The following ABTB2 variants were observed in gnomAD, a reference collection of about 807,000 sequenced individuals.
ABTB2 encodes the protein ankyrin repeat and BTB/POZ domain-containing protein 2.
Under a neutral mutation model 104.1 loss-of-function variants are expected in ABTB2, and 56 were observed. The ratio of observed to expected loss-of-function variants is 0.54; its 90% CI spans 0.43 to 0.67. The LOEUF (loss-of-function observed/expected upper bound fraction) is 0.67, where lower values mean the gene tolerates loss of function less well. ABTB2 is among the 30% of genes least tolerant of loss of function. ABTB2 has a pLI of 0.00. For synonymous variants in ABTB2, 606 were observed against 608.2 expected (o/e 1.00, Z 0.05); for missense variants, 1,279 against 1,407.7 (o/e 0.91, Z 1.46).
At chr11:34,287,374 C>A (rs1854517796) in intron 1 of ABTB2, among the ~76,000 whole-genome samples, 1 of 152,098 alleles carries the variant, frequency 6.6e-6, no homozygotes. Flanking sequence ...GCCCGGCCAA[C>A]ATGGCAAAAC....
At chr11:34,223,054 T>C (rs1442434402) in intron 1 of ABTB2, among the ~76,000 whole-genome samples, 1 of 152,310 alleles carries the variant, frequency 6.6e-6, no homozygotes, top group Non-Finnish European at 1.5e-5. Context: ...CCTCGCTGTT[T>C]GTTTTACAAA....
chr11:34,344,254 A>G (rs1179048047), intron 1 of ABTB2, among the ~76,000 whole-genome samples: 2 of 152,232 alleles, frequency 1.3e-5, no homozygotes, highest in African/African-American at 4.8e-5. Context: ...GACAGGAAAC[A>G]ACAGAGTTGA....
intron 1 of ABTB2, among the ~76,000 whole-genome samples, chr11:34,234,833 A>G (rs1308779867): frequency 1.3e-5 from 2 of 152,104 alleles, no homozygotes; most frequent in Admixed American, 6.6e-5. Context: ...GCACTTATAC[A>G]GAGATTATTG....
intron 1 of ABTB2, among the ~76,000 whole-genome samples, chr11:34,237,139 G>A (rs943604637): frequency 7.9e-5 from 12 of 152,038 alleles, no homozygotes; most frequent in Admixed American, 5.2e-4. Flanking sequence ...GTAAAATGGA[G>A]CCCACAGTAC....
intron 1 of ABTB2, among the ~76,000 whole-genome samples, chr11:34,319,204 A>G (rs530204320): frequency 1.8e-4 from 28 of 152,218 alleles, no homozygotes; most frequent in Non-Finnish European, 4.0e-4. Flanking sequence ...CTGACACACA[A>G]GAAGCCTTGG....
intron 1 of ABTB2, among the ~76,000 whole-genome samples, chr11:34,242,987 G>A (rs935436917): frequency 5.9e-5 from 9 of 152,146 alleles, no homozygotes; most frequent in Non-Finnish European, 8.8e-5. Context: ...GGTGTCTCTT[G>A]TGACAGGACC....
chr11:34,341,520 A>G (rs1855262300), intron 1 of ABTB2, among the ~76,000 whole-genome samples: 1 of 152,238 alleles, frequency 6.6e-6, no homozygotes, highest in Admixed American at 6.5e-5. Flanking sequence ...GAAATGTTCT[A>G]TATCTGCATT....
intron 1 of ABTB2, among the ~76,000 whole-genome samples, chr11:34,271,068 C>G (rs1361757266): frequency 6.6e-6 from 1 of 152,074 alleles, no homozygotes; most frequent in Non-Finnish European, 1.5e-5. Context: ...AGCCACATGA[C>G]CCTGGATAAA....
chr11:34,301,506 A>C (rs1854705612), intron 1 of ABTB2, among the ~76,000 whole-genome samples: 1 of 152,232 alleles, frequency 6.6e-6, no homozygotes, highest in Non-Finnish European at 1.5e-5. Context: ...AGATCCACCA[A>C]CAAAGCATGA....
Position 34,197,402 on chromosome 11 carries a change from G to A in ABTB2, c.1167C>T (p.Tyr389=), listed in dbSNP as rs1853271966. The A allele has an allele frequency of 6.2e-7, 1 of 1,612,600 alleles. No individual in the cohort carries two copies. The highest frequency in any genetic ancestry group is 8.5e-7 in the Non-Finnish European group (1 of 1,178,962). Residue 389 remains tyrosine (Y), a synonymous_variant, in exon 3 of 17, where the codon TAC becomes TAT. Coordinates refer to ENST00000435224, the MANE Select transcript of ABTB2 (RefSeq NM_145804.3). The stretch of plus-strand genomic sequence containing the variant: ...ACTCCATCTGTGGACACCGCAGAAA[G>A]TAGTAGAGCGTGTGGAGGGCGTCGG... ...WSPDALHTLY[Y]FLRCPQMESM...
intron 1 of ABTB2, among the ~76,000 whole-genome samples, chr11:34,278,724 G>T (rs556940129): frequency 6.6e-6 from 1 of 152,240 alleles, no homozygotes; most frequent in African/African-American, 2.4e-5. Context: ...TTCTTTCCAG[G>T]TCTCCAAAAT....
chr11:34,159,426 T>C, intron 13 of ABTB2, 40 bp from the exon 14 acceptor site: 1 of 1,374,338 alleles, frequency 7.3e-7, no homozygotes. Flanking sequence ...TTTTGAACCT[T>C]TTACTTCACC....
intron 1 of ABTB2, among the ~76,000 whole-genome samples, chr11:34,237,156 C>G (rs186868673): frequency 5.5e-4 from 83 of 152,090 alleles, no homozygotes; most frequent in Non-Finnish European, 1.1e-3. Flanking sequence ...GTACCCACCT[C>G]TATCAGGTTG....
At chr11:34,291,099 T>A (rs1018744462) in intron 1 of ABTB2, among the ~76,000 whole-genome samples, 1 of 152,238 alleles carries the variant, frequency 6.6e-6, no homozygotes, top group African/African-American at 2.4e-5. Flanking sequence ...GGAATGGGGT[T>A]TGTCATTATG....
In ABTB2 at chr11:34,204,359, A is replaced by G. The variant is rs527303969; in HGVS notation, c.1030+185T>C. On this transcript the variant is annotated intron_variant, in intron 2 of 16. Transcript: ENST00000435224. ...TTTGTTTTTTCAAGAGAAACCAGAAATCCAGATTTGTGTATTTGCAACCTC... is the reference window on the plus strand; with the variant it reads ...TTTGTTTTTTCAAGAGAAACCAGAAGTCCAGATTTGTGTATTTGCAACCTC... Among the ~76,000 whole-genome samples, 8 of 152,324 alleles carry G rather than the reference A, an allele frequency of 5.3e-5. No homozygotes were observed. The East Asian group carries it at 1.5e-3, about 29-fold the overall frequency.
chr11:34,181,007 C>G (rs1260592719), intron 3 of ABTB2, among the ~76,000 whole-genome samples: 1 of 152,312 alleles, frequency 6.6e-6, no homozygotes, highest in East Asian at 1.9e-4. Context: ...CTGGTGCAAG[C>G]GATTCTTCTG....
intron 1 of ABTB2, among the ~76,000 whole-genome samples, chr11:34,299,729 G>T (rs1388164306): frequency 6.6e-6 from 1 of 152,194 alleles, no homozygotes; most frequent in Non-Finnish European, 1.5e-5. Flanking sequence ...CAAGGCATTT[G>T]GAGTTTGCTC....
Position 34,160,479 on chromosome 11 carries a change from C to T in ABTB2, c.2398-126G>A, listed in dbSNP as rs921882829. 1.2e-5 allele frequency: 8 copies of T among 692,042 alleles called. No homozygotes were observed. In the East Asian group the frequency reaches 1.6e-4, roughly 14 times the overall value. 42.9% of individuals were successfully genotyped at this position (692,042 alleles called of 1,614,324 possible). On this transcript the variant is annotated intron_variant, in intron 11 of 16. Coordinates refer to ENST00000435224, the MANE Select transcript of ABTB2 (RefSeq NM_145804.3). ...GTGCAGCCGCTATCTTTTGTTCCTG[C>T]TGGATGTGGCTTGGCAAGAGATGCC...
intron 1 of ABTB2, among the ~76,000 whole-genome samples, chr11:34,229,312 T>A (rs2133055689): frequency 6.6e-6 from 1 of 151,294 alleles, no homozygotes; most frequent in African/African-American, 2.4e-5. Flanking sequence ...GAAACCCGTC[T>A]CTACCAAAAA....
Sources: allele counts gnomAD v4.1 joint callset (sites outside exome capture counted in the v4.1 genomes callset), GRCh38; gene constraint gnomAD v4.1.1; transcripts MANE v1.5; gene names NCBI Gene and HGNC (gene_info 2026-07-23, HGNC 2026-07-21).